The following EPB41 variants were observed in gnomAD, a reference collection of about 807,000 sequenced individuals.
The protein encoded by EPB41 is erythrocyte membrane protein band 4.1.
In EPB41, 65 loss-of-function variants were observed where a neutral mutation model predicts 108.0. That is an observed-to-expected ratio of 0.60 (90% CI 0.49 to 0.74). EPB41 has a LOEUF of 0.74. Among genes scored for constraint, EPB41 ranks in the 30% least tolerant of loss-of-function variants. The pLI is 0.00. For synonymous variants in EPB41, 336 were observed against 358.9 expected (o/e 0.94, Z 0.72); for missense variants, 875 against 1,037.0 (o/e 0.84, Z 2.15).
At chr1:29,022,185 A>T (rs955201386) in intron 7 of EPB41, among the ~76,000 whole-genome samples, 1 of 152,184 alleles carries the variant, frequency 6.6e-6, no homozygotes, top group African/African-American at 2.4e-5. Flanking sequence ...GAAGATTTTC[A>T]TAACTTGGTG....
chr1:28,993,204 T>C, intron 2 of EPB41, 126 bp from the exon 3 acceptor site: 2 of 774,144 alleles, frequency 2.6e-6, no homozygotes, highest in Non-Finnish European at 4.4e-6. Flanking sequence ...AAATATTTAA[T>C]ATTAATGTCA....
At chr1:29,109,290 C>T (rs1003283617) in intron 17 of EPB41, 46 bp from the exon 18 acceptor site, 9 of 1,452,042 alleles carry the variant, frequency 6.2e-6, no homozygotes, top group Non-Finnish European at 7.7e-6. Flanking sequence ...AACATTTGCC[C>T]AGTCTTCCTG....
intron 16 of EPB41, chr1:29,096,219 ACT>A: frequency 1.0e-6 from 1 of 985,770 alleles, no homozygotes; most frequent in Non-Finnish European, 1.2e-6. Context: ...ACTAACCCTG[ACT>A]CTGAATGGGA....
At chr1:28,974,165 T>G (rs760046889) in intron 1 of EPB41, among the ~76,000 whole-genome samples, 4 of 152,226 alleles carry the variant, frequency 2.6e-5, no homozygotes, top group Non-Finnish European at 5.9e-5. Context: ...ATGTAAGATT[T>G]AAGATGCAAT....
chr1:28,928,858 G>A (rs971678392), intron 1 of EPB41, among the ~76,000 whole-genome samples: 14 of 152,140 alleles, frequency 9.2e-5, no homozygotes, highest in African/African-American at 3.4e-4. Flanking sequence ...CTGATTCAAG[G>A]TCCTTGGGTT....
chr1:29,035,202 C>T (rs1471671438), intron 9 of EPB41, among the ~76,000 whole-genome samples: 3 of 151,978 alleles, frequency 2.0e-5, no homozygotes, highest in Admixed American at 6.6e-5. Context: ...TCAGGCTGGT[C>T]TTGAACTCCT....
chr1:29,000,993 AG>A (rs1382630039), intron 4 of EPB41, among the ~76,000 whole-genome samples: 1 of 152,122 alleles, frequency 6.6e-6, no homozygotes, highest in African/African-American at 2.4e-5. Flanking sequence ...GTCAAGTTAA[AG>A]GGTCAGTACA....
At chr1:29,046,493 C>T (rs1178327699) in intron 11 of EPB41, among the ~76,000 whole-genome samples, 3 of 152,164 alleles carry the variant, frequency 2.0e-5, no homozygotes, top group South Asian at 2.1e-4. Context: ...TTATTGTGTA[C>T]TCAACATCAA....
At chr1:28,961,141 A>T (rs1398328172) in intron 1 of EPB41, among the ~76,000 whole-genome samples, 2 of 152,100 alleles carry the variant, frequency 1.3e-5, no homozygotes, top group African/African-American at 4.8e-5. Flanking sequence ...GAAGAATCAT[A>T]ACCCCTTCTA....
At chr1:29,055,813 A>T (rs528317613) in intron 12 of EPB41, among the ~76,000 whole-genome samples, 2 of 149,376 alleles carry the variant, frequency 1.3e-5, no homozygotes, top group African/African-American at 5.0e-5. Flanking sequence ...CTGTAATCCC[A>T]GCTATTTGGG....
At chr1:29,099,343 G>A (rs947827018) in intron 17 of EPB41, among the ~76,000 whole-genome samples, 7 of 151,278 alleles carry the variant, frequency 4.6e-5, no homozygotes, top group Admixed American at 4.6e-4. Flanking sequence ...TTTCTTTTCT[G>A]AGAAAGGGTC....
intron 16 of EPB41, among the ~76,000 whole-genome samples, chr1:29,079,326 G>A (rs1184606101): frequency 1.3e-5 from 2 of 151,958 alleles, no homozygotes; most frequent in East Asian, 3.9e-4. Context: ...TGAGCTTTTG[G>A]TATACTTTAG....
intron 1 of EPB41, among the ~76,000 whole-genome samples, chr1:28,917,674 G>A (rs2148156925): frequency 6.6e-6 from 1 of 152,128 alleles, no homozygotes; most frequent in Admixed American, 6.6e-5. Flanking sequence ...TTGAACTCCT[G>A]GGTTCAAGTG....
chr1:28,935,467 A>ACC (rs71022381), intron 1 of EPB41, among the ~76,000 whole-genome samples: 4 of 64,216 alleles, frequency 6.2e-5, no homozygotes, highest in Non-Finnish European at 9.7e-5. Context: ...ACACACACAC[A>ACC]CCCCCCCCCC....
chr1:28,920,011 G>T (rs1472070882), intron 1 of EPB41, among the ~76,000 whole-genome samples: 3 of 152,070 alleles, frequency 2.0e-5, no homozygotes, highest in Admixed American at 2.0e-4. Flanking sequence ...AACTCTCAGG[G>T]TGATCTCTGC....
chr1:29,089,274 G>C (rs1227518904), intron 16 of EPB41, among the ~76,000 whole-genome samples: 2 of 152,202 alleles, frequency 1.3e-5, no homozygotes. Context: ...ATGAGCCACT[G>C]TTTATTTCTT....
At position 28,993,320 on chromosome 1, in the gene EPB41, G is replaced by T; in HGVS notation, c.469-10G>T. ...TTTATTACTGACTTGGCGATGTCAT[G>T]GATATGTAGCCTGCTCAGGAAGAAC... On this transcript the variant is annotated splice_polypyrimidine_tract_variant and intron_variant, in intron 2 of 20. Transcript: ENST00000343067. 6.2e-7 allele frequency: 1 copy of T among 1,610,636 alleles called. No homozygotes were observed.
intron 11 of EPB41, among the ~76,000 whole-genome samples, chr1:29,043,019 C>T (rs1256714999): frequency 1.3e-5 from 2 of 152,298 alleles, no homozygotes; most frequent in Non-Finnish European, 2.9e-5. Flanking sequence ...AACAATTTTT[C>T]CTATGGGCCA....
chr1:29,043,675 C>T (rs1642317965), intron 11 of EPB41, among the ~76,000 whole-genome samples: 1 of 152,104 alleles, frequency 6.6e-6, no homozygotes, highest in Non-Finnish European at 1.5e-5. Flanking sequence ...CCTTGTGGGT[C>T]ACAGTAAAGA....
Sources: gnomAD v4.1 joint callset for allele counts (sites outside exome capture counted in the v4.1 genomes callset) on GRCh38, gnomAD v4.1.1 for gene constraint, MANE v1.5 for transcripts, NCBI Gene and HGNC (gene_info 2026-07-23, HGNC 2026-07-21) for gene names.